The following DNAH5 variants were observed in gnomAD, a reference collection of about 807,000 sequenced individuals.
DNAH5 encodes axonemal beta dynein heavy chain 5.
DNAH5 carries 372 observed loss-of-function variants against 518.2 expected under a neutral mutation model. The observed-to-expected ratio is 0.72, with a 90% CI of 0.66 to 0.78. The LOEUF is 0.78. Among genes scored for constraint, DNAH5 ranks in the 30% least tolerant of loss-of-function variants. DNAH5 has a pLI of 0.00. For missense variants in DNAH5, 5,523 were observed against 5,687.0 expected (o/e 0.97, Z 0.93); for synonymous variants, 2,039 against 2,025.9 (o/e 1.01, Z -0.17).
At chr5:13,922,799 A>T (rs1426801917) in intron 4 of DNAH5, among the ~76,000 whole-genome samples, 3 of 152,110 alleles carry the variant, frequency 2.0e-5, no homozygotes, top group African/African-American at 7.2e-5. Flanking sequence ...TCTAAATTGT[A>T]ATCATCAAAA....
chr5:13,705,537 C>T (rs1314732400), intron 76 of DNAH5, among the ~76,000 whole-genome samples: 1 of 152,120 alleles, frequency 6.6e-6, no homozygotes, highest in African/African-American at 2.4e-5. Flanking sequence ...TCGTCTTCAC[C>T]TTCCATCATT....
intron 29 of DNAH5, among the ~76,000 whole-genome samples, chr5:13,861,597 A>C (rs1768421610): frequency 6.6e-6 from 1 of 152,232 alleles, no homozygotes; most frequent in Non-Finnish European, 1.5e-5. Context: ...ATGTAAATTC[A>C]TGACTGTGTG....
At chr5:13,936,979 G>C (rs1309551285) in intron 1 of DNAH5, among the ~76,000 whole-genome samples, 1 of 151,956 alleles carries the variant, frequency 6.6e-6, no homozygotes, top group Non-Finnish European at 1.5e-5. Context: ...TTGCCAGCTT[G>C]GTTCTGTTAG....
At chr5:13,741,374 T>C (rs1261787121) in intron 65 of DNAH5, among the ~76,000 whole-genome samples, 1 of 152,048 alleles carries the variant, frequency 6.6e-6, no homozygotes, top group Non-Finnish European at 1.5e-5. Context: ...TCAGGTTTTG[T>C]GTCAATTCTT....
intron 1 of DNAH5, among the ~76,000 whole-genome samples, chr5:13,962,817 G>A (rs1166442841): frequency 6.6e-6 from 1 of 152,120 alleles, no homozygotes; most frequent in Non-Finnish European, 1.5e-5. Context: ...TCAAAAAGAG[G>A]GCCCTGACAA....
intron 1 of DNAH5, among the ~76,000 whole-genome samples, chr5:13,989,103 G>A (rs1003744651): frequency 2.1e-4 from 32 of 152,136 alleles, no homozygotes; most frequent in Non-Finnish European, 1.0e-4. Flanking sequence ...CAGGGTCACT[G>A]GAGATCCAAG....
At chr5:13,946,260 A>G (rs1779908070), upstream of DNAH5, among the ~76,000 whole-genome samples, 1 of 152,198 alleles carries the variant, frequency 6.6e-6, no homozygotes, top group South Asian at 2.1e-4. Flanking sequence ...CTTCCTGGGA[A>G]GATTTCCACA....
chr5:13,816,569 A>C (rs1432434044), intron 42 of DNAH5, among the ~76,000 whole-genome samples: 3 of 151,468 alleles, frequency 2.0e-5, no homozygotes, highest in South Asian at 2.1e-4. Context: ...AAAAAACAAA[A>C]AAACCTCTGC....
intron 1 of DNAH5, among the ~76,000 whole-genome samples, chr5:14,006,866 C>T (rs1345823102): frequency 2.6e-5 from 4 of 152,178 alleles, no homozygotes; most frequent in African/African-American, 4.8e-5. Context: ...ATCTGGTCCT[C>T]GGCCCTGGCT....
intron 53 of DNAH5, among the ~76,000 whole-genome samples, chr5:13,778,203 T>C (rs1286379438): frequency 1.3e-5 from 2 of 152,172 alleles, no homozygotes; most frequent in South Asian, 4.1e-4. Context: ...CACCCTAGAA[T>C]TGGAAATATC....
chr5:13,946,318 C>G (rs1442734882), upstream of DNAH5, among the ~76,000 whole-genome samples: 2 of 152,112 alleles, frequency 1.3e-5, no homozygotes, highest in Non-Finnish European at 2.9e-5. Flanking sequence ...AACCATGACT[C>G]CCTTGAGGCT....
intron 21 of DNAH5, 105 bp from the exon 22 acceptor site, chr5:13,876,922 C>A: frequency 2.6e-6 from 3 of 1,155,612 alleles, no homozygotes; most frequent in South Asian, 2.8e-5. Flanking sequence ...TTCTGAAAAT[C>A]TTCTCCTTTA....
Position 13,960,793 on chromosome 5 carries a change from G to T in DNAH5, c.13-29549C>A, listed in dbSNP as rs753505654. ...CCCGTGGCTACTCCACACGCACCAT[G>T]CCTCACTTACTCATCACAACCAGCC... On this transcript the variant is annotated intron_variant, in intron 1 of 78. Transcript: ENST00000681290. 3.9e-4 allele frequency among the ~76,000 whole-genome samples: 59 copies of T among 152,204 alleles called. 1 individual carries two copies. Among genetic ancestry groups the T allele is most frequent in the South Asian group, 2.1e-4 (1 of 4,836 alleles).
Position 13,793,629 on chromosome 5 carries a change from C to T in DNAH5, c.8110G>A (p.Ala2704Thr). ...CCACCACCAGGATGGATCATGGCTGCCAAAAACTGGATGTCCACGATGCTG... is the reference window on the plus strand; with the variant it reads ...CCACCACCAGGATGGATCATGGCTGTCAAAAACTGGATGTCCACGATGCTG... ...FTSIVDIQFL[A>T]AMIHPGGGRN... is the part of the protein sequence containing the mutation. Residue 2704 changes from alanine to threonine, a missense_variant, in exon 49 of 79, where the codon GCA becomes ACA. Ala to Thr is a moderately conservative substitution (Grantham distance 58). Coordinates refer to ENST00000265104, the MANE Select transcript of DNAH5 (RefSeq NM_001369.3). The T allele has an allele frequency of 1.2e-6, 2 of 1,614,086 alleles. No homozygotes were observed. Among genetic ancestry groups the T allele is most frequent in the Non-Finnish European group, 8.5e-7 (1 of 1,180,006 alleles).
rs1377939955 is a variant in DNAH5 at position 13,841,851 on chromosome 5, C to T, written c.5325G>A (p.Leu1775=). 2.0e-6 allele frequency: 3 copies of T among 1,532,606 alleles called. No homozygotes were observed. The highest frequency in any genetic ancestry group is 2.6e-6 in the Non-Finnish European group (3 of 1,135,076). 94.9% of individuals were successfully genotyped at this position (1,532,606 alleles called of 1,614,324 possible). A position where few individuals can be genotyped will look rare whatever the true frequency, so the allele number is the denominator to read the frequency against. The change falls in exon 33 of 79, where the codon TTG becomes TTA. Residue 1775 remains leucine, a synonymous_variant. Coordinates refer to ENST00000265104, the MANE Select transcript of DNAH5 (RefSeq NM_001369.3). ...ISSQEGETIE[L]DKPVMAEGNV... ...TGCCCTCTGCCATGACAGGTTTATC[C>T]AATTCAATCGTCTCACCCTCTTGAG...
intron 68 of DNAH5, among the ~76,000 whole-genome samples, chr5:13,731,713 A>C (rs1371854466): frequency 6.6e-6 from 1 of 152,234 alleles, no homozygotes; most frequent in Non-Finnish European, 1.5e-5. Flanking sequence ...AAAATGATAC[A>C]TGCTTATAAT....
chr5:13,963,443 T>C (rs1369010157), intron 1 of DNAH5, among the ~76,000 whole-genome samples: 2 of 152,004 alleles, frequency 1.3e-5, no homozygotes, highest in African/African-American at 4.8e-5. Flanking sequence ...CTGGGTGTGG[T>C]GGCGTGCACC....
At chr5:13,809,766 T>C (rs1760288567) in intron 45 of DNAH5, among the ~76,000 whole-genome samples, 1 of 152,198 alleles carries the variant, frequency 6.6e-6, no homozygotes, top group Admixed American at 6.5e-5. Context: ...TACAAATTGC[T>C]GATTATATTG....
intron 1 of DNAH5, among the ~76,000 whole-genome samples, chr5:13,979,259 C>T (rs1295475168): frequency 6.6e-6 from 1 of 152,096 alleles, no homozygotes; most frequent in East Asian, 1.9e-4. Flanking sequence ...GCCTACTCAC[C>T]CACCTTATTC....
Sources: gnomAD v4.1 joint callset for allele counts (sites outside exome capture counted in the v4.1 genomes callset) on GRCh38, gnomAD v4.1.1 for gene constraint, MANE v1.5 for transcripts, NCBI Gene and HGNC (gene_info 2026-07-23, HGNC 2026-07-21) for gene names.